Variants in MCRIP2 observed in about 807,000 individuals in gnomAD.
The protein encoded by MCRIP2 is MAPK regulated co-repressor interacting protein 2.
Under a neutral mutation model 23.2 loss-of-function variants are expected in MCRIP2, and 21 were observed. The observed-to-expected ratio is 0.90, with a 90% CI of 0.64 to 1.30. The LOEUF (loss-of-function observed/expected upper bound fraction) is 1.30, where lower values mean the gene tolerates loss of function less well. Among genes scored for constraint, MCRIP2 ranks in the 50% most tolerant of loss-of-function variants. The pLI is 0.00. For synonymous variants in MCRIP2, 121 were observed against 100.2 expected (o/e 1.21, Z -1.24); for missense variants, 234 against 223.2 (o/e 1.05, Z -0.31).
Position 647,885 on chromosome 16 carries a change from G to A in MCRIP2, c.412+1G>A. On this transcript the variant is annotated splice_donor_variant, in intron 4 of 4. Transcript: ENST00000307650. LOFTEE classifies it high-confidence loss of function. ...AGGACCCCCAATCCCCGGCTGCAGA[G>A]TGAGCCCCCCAACCCTGTCCCCCCA... is the stretch of plus-strand genomic sequence containing the variant. 2 of 1,532,084 alleles carry A rather than the reference G, an allele frequency of 1.3e-6. No individual in the cohort carries two copies. Among genetic ancestry groups the A allele is most frequent in the Non-Finnish European group, 1.8e-6 (2 of 1,135,322 alleles). The allele number at this position is 1,532,084 out of a possible 1,614,324, so 94.9% of individuals were successfully genotyped here.
In MCRIP2 at chr16:647,929, C is replaced by G. The variant is rs1434359580; in HGVS notation, c.412+45C>G. On this transcript the variant is annotated intron_variant, in intron 4 of 4. Coordinates refer to ENST00000307650, the MANE Select transcript of MCRIP2 (RefSeq NM_138418.4). ...CCCCCCAGGAGAGACCCCCCAGCCC[C>G]TCTGATCCTGACCCAGGCCCTGCCA... 7 of 1,324,908 alleles carry G rather than the reference C, an allele frequency of 5.3e-6. No individual in the cohort carries two copies. In the East Asian group the frequency reaches 1.5e-4, roughly 29 times the overall value. The allele number at this position is 1,324,908 out of a possible 1,614,324, so 82.1% of individuals were successfully genotyped here. A position where few individuals can be genotyped will look rare whatever the true frequency, so the allele number is the denominator to read the frequency against.
At chr16:645,506 C>T (rs2037459545) in intron 2 of MCRIP2, 1 of 152,280 alleles carries the variant, frequency 6.6e-6, no homozygotes, top group South Asian at 2.1e-4. Flanking sequence ...ACCCACCCGC[C>T]TCGGCCTCCC....
intron 2 of MCRIP2, among the ~76,000 whole-genome samples, chr16:643,540 CTTTT>C (rs869168510): frequency 1.7e-5 from 2 of 119,420 alleles, no homozygotes; most frequent in East Asian, 2.3e-4. Flanking sequence ...GCTGTTGTCT[CTTTT>C]TTTTTTTTTT....
Position 648,365 on chromosome 16 carries a change from A to G in MCRIP2, c.*175A>G. 1.4e-6 allele frequency: 1 copy of G among 695,114 alleles called. No individual in the cohort carries two copies. Among genetic ancestry groups the G allele is most frequent in the Non-Finnish European group, 2.5e-6 (1 of 403,260 alleles). 43.1% of individuals were successfully genotyped at this position (695,114 alleles called of 1,614,324 possible). On this transcript the variant is annotated 3_prime_UTR_variant, in exon 5 of 5. Transcript: ENST00000307650. The stretch of plus-strand genomic sequence containing the variant: ...CTGTCCCAACCAAGCTGCCATGGCC[A>G]AGGGCCGAACCCGTCTGACCTCAGC...
At chr16:647,039 G>A (rs1055898492) in intron 2 of MCRIP2, 21 of 259,754 alleles carry the variant, frequency 8.1e-5, no homozygotes, top group South Asian at 5.8e-4. Flanking sequence ...GGACTGGGTC[G>A]TGGCTCAGGT....
intron 2 of MCRIP2, chr16:643,114 CGG>C (rs2037392708): frequency 6.6e-6 from 1 of 152,276 alleles, no homozygotes; most frequent in Non-Finnish European, 1.5e-5. Flanking sequence ...TCCAGCGGGG[CGG>C]GGGCTCTCTG....
At chr16:642,389 G>T in intron 2 of MCRIP2, 140 bp downstream of exon 2, 1 of 822,130 alleles carries the variant, frequency 1.2e-6, no homozygotes, top group Non-Finnish European at 1.5e-6. Context: ...CCGGGCGCGG[G>T]GGGTGCGCGG....
intron 2 of MCRIP2, among the ~76,000 whole-genome samples, chr16:643,506 C>G (rs966377853): frequency 1.3e-5 from 2 of 150,774 alleles, no homozygotes; most frequent in Non-Finnish European, 2.9e-5. Context: ...CCAAGGGTCC[C>G]AGTGGGCAAC....
rs2151098134 is a variant in MCRIP2 at position 641,857 on chromosome 16, T to G, written c.-135T>G. ...CGTGTCCGGGGTCAGCCCGAGCCCGTGCGGGCCCTTTAAGGGCCGGGGGCG... is the reference window on the plus strand; with the variant it reads ...CGTGTCCGGGGTCAGCCCGAGCCCGGGCGGGCCCTTTAAGGGCCGGGGGCG... On this transcript the variant is annotated 5_prime_UTR_variant, in exon 1 of 5. Coordinates refer to ENST00000307650, the MANE Select transcript of MCRIP2 (RefSeq NM_138418.4). 1.3e-6 allele frequency: 1 copy of G among 775,694 alleles called. No homozygotes were observed. The allele number at this position is 775,694 out of a possible 1,614,324, so 48.1% of individuals were successfully genotyped here.
intron 3 of MCRIP2, 43 bp downstream of exon 3, chr16:647,587 G>A (rs778651920): frequency 1.0e-5 from 16 of 1,603,972 alleles, no homozygotes; most frequent in Admixed American, 3.4e-5. Flanking sequence ...CTGCTGGGTC[G>A]CAAAACCATG....
rs1567209906 is a variant in MCRIP2 at position 646,060 on chromosome 16, GC to G, written c.183-1355del. 1 of 152,220 alleles carries G rather than the reference GC, an allele frequency of 6.6e-6. No individual in the cohort carries two copies. Among genetic ancestry groups the G allele is most frequent in the Non-Finnish European group, 1.5e-5 (1 of 68,048 alleles). The allele number at this position is 152,220 out of a possible 1,614,324, so 9.4% of individuals were successfully genotyped here. ...GCGGTGATCCATAGGTGCTCGCCGG[GC>G]CGGTGCCCTTTCCCCCAGAGAGCAG... On this transcript the variant is annotated intron_variant, in intron 2 of 4. Coordinates refer to ENST00000307650, the MANE Select transcript of MCRIP2 (RefSeq NM_138418.4). This position sits in a 1 kb window ranked among gnomAD's most constrained non-coding sequence, Gnocchi z 6.5.
chr16:648,041 C>T (rs984665858), intron 4 of MCRIP2, 79 bp from the exon 5 acceptor site: 6 of 1,409,790 alleles, frequency 4.3e-6, no homozygotes, highest in South Asian at 1.3e-5. Flanking sequence ...TCCGGGTGAG[C>T]GGCTTGTGGT....
chr16:644,946 G>C (rs957816970), intron 2 of MCRIP2, among the ~76,000 whole-genome samples: 1 of 151,892 alleles, frequency 6.6e-6, no homozygotes, highest in Admixed American at 6.6e-5. Context: ...GATAAACCTT[G>C]GTTTGTTTTT....
chr16:648,320 CT>C lies in MCRIP2; in HGVS notation c.*137del, dbSNP rs112168784. The C allele has an allele frequency of 9.7e-5, 91 of 941,632 alleles. No homozygotes were observed. Among genetic ancestry groups the C allele is most frequent in the Admixed American group, 1.3e-4 (6 of 47,870 alleles). 58.3% of individuals were successfully genotyped at this position (941,632 alleles called of 1,614,324 possible). ...AGTGCCAGCATTTGGACTTTTGCAC[CT>C]TTTTTTCCCTTGGCCCGGCTGTCCC... On this transcript the variant is annotated 3_prime_UTR_variant, in exon 5 of 5. Coordinates refer to ENST00000307650, the MANE Select transcript of MCRIP2 (RefSeq NM_138418.4).
At position 648,179 on chromosome 16, in the gene MCRIP2, A is replaced by G; in HGVS notation, c.472A>G (p.Ser158Gly). The G allele has an allele frequency of 1.2e-6, 2 of 1,610,210 alleles. No homozygotes were observed. The highest frequency in any genetic ancestry group is 1.7e-5 in the Admixed American group (1 of 59,770). The change falls in exon 5 of 5, where the codon AGC becomes GGC. Residue 158 changes from serine to glycine, a missense_variant. By Grantham distance (56) the Ser-to-Gly change is moderately conservative (BLOSUM62 0). Coordinates refer to ENST00000307650, the MANE Select transcript of MCRIP2 (RefSeq NM_138418.4). ...GCAGCAGTTCCTGGCGAGAATCACCAGCTGTTCCTAGTGGCTGCTGGGAGG... is the reference window on the plus strand; with the variant it reads ...GCAGCAGTTCCTGGCGAGAATCACCGGCTGTTCCTAGTGGCTGCTGGGAGG... ...WAQQFLARIT[S>G]CS
intron 2 of MCRIP2, chr16:647,068 T>G: frequency 6.7e-6 from 2 of 297,030 alleles, no homozygotes; most frequent in Non-Finnish European, 6.4e-6. Context: ...GGGCTGCTGA[T>G]GGGATGCAGG....
intron 4 of MCRIP2, 86 bp from the exon 5 acceptor site, chr16:648,034 G>T: frequency 7.3e-7 from 1 of 1,377,130 alleles, no homozygotes. Flanking sequence ...CTCGGAGTCC[G>T]GGTGAGCGGC....
In MCRIP2 at chr16:641,838, C is replaced by T; in HGVS notation, c.-154C>T. 1 of 634,478 alleles carries T rather than the reference C, an allele frequency of 1.6e-6. No homozygotes were observed. The highest frequency in any genetic ancestry group is 2.2e-6 in the Non-Finnish European group (1 of 450,480). The allele number at this position is 634,478 out of a possible 1,614,324, so 39.3% of individuals were successfully genotyped here. A position where few individuals can be genotyped will look rare whatever the true frequency, so the allele number is the denominator to read the frequency against. ...GCAAGCGCCGCCTCCGCCGCGTGTC[C>T]GGGGTCAGCCCGAGCCCGTGCGGGC... On this transcript the variant is annotated 5_prime_UTR_variant, in exon 1 of 5. Transcript: ENST00000307650.
At chr16:643,461 A>C (rs1392442247) in intron 2 of MCRIP2, among the ~76,000 whole-genome samples, 1 of 151,900 alleles carries the variant, frequency 6.6e-6, no homozygotes, top group Non-Finnish European at 1.5e-5. Context: ...TTAGGGAAGA[A>C]GATGGAAATG....
Sources: gnomAD v4.1 joint callset for allele counts (sites outside exome capture counted in the v4.1 genomes callset) on GRCh38, gnomAD v4.1.1 for gene constraint, Gnocchi (gnomAD v3.1) non-coding constraint, MANE v1.5 for transcripts, NCBI Gene and HGNC (gene_info 2026-07-23, HGNC 2026-07-21) for gene names.